PIAS2: variants seen among roughly 807,000 people sequenced by gnomAD.
The protein encoded by PIAS2 is E3 SUMO-protein ligase PIAS2.
In PIAS2, 19 loss-of-function variants were observed where a neutral mutation model predicts 69.7. The observed-to-expected ratio is 0.27, with a 90% CI of 0.19 to 0.40. The LOEUF is 0.40. PIAS2 is among the 10% of genes least tolerant of loss of function. The pLI is 1.00. For synonymous variants in PIAS2, 261 were observed against 263.2 expected (o/e 0.99, Z 0.08); for missense variants, 624 against 757.0 (o/e 0.82, Z 2.06).
chr18:46,869,694 T>C (rs891882579), intron 2 of PIAS2, among the ~76,000 whole-genome samples: 1 of 152,180 alleles, frequency 6.6e-6, no homozygotes, highest in African/African-American at 2.4e-5. Context: ...GGACTAAACA[T>C]AATAAAAAAC....
At chr18:46,886,116 C>T (rs2053141777) in intron 2 of PIAS2, among the ~76,000 whole-genome samples, 1 of 152,026 alleles carries the variant, frequency 6.6e-6, no homozygotes, top group Non-Finnish European at 1.5e-5. Flanking sequence ...TCACTTAGTC[C>T]CCCCCAGTCT....
intron 5 of PIAS2, chr18:46,852,754 G>A (rs889840164): frequency 6.6e-6 from 1 of 152,192 alleles, no homozygotes; most frequent in African/African-American, 2.4e-5. Context: ...GGAAATTCTG[G>A]TAACGTCTAT....
intron 2 of PIAS2, among the ~76,000 whole-genome samples, chr18:46,879,434 T>A (rs2051811893): frequency 1.3e-5 from 2 of 152,130 alleles, no homozygotes; most frequent in South Asian, 4.1e-4. Context: ...AGGGAGAAAC[T>A]GGAACCCCTG....
chr18:46,806,745 C>G lies in PIAS2; in HGVS notation c.*5688G>C, dbSNP rs1336844286. 6.6e-6 allele frequency: 1 copy of G among 152,120 alleles called. No individual in the cohort carries two copies. Among genetic ancestry groups the G allele is most frequent in the Non-Finnish European group, 1.5e-5 (1 of 68,028 alleles). The allele number at this position is 152,120 out of a possible 1,614,324, so 9.4% of individuals were successfully genotyped here. On this transcript the variant is annotated 3_prime_UTR_variant, in exon 14 of 14. Transcript: ENST00000585916. ...TAACACTCTATTCCACGTGTACTTA[C>G]AAAACACTCTAAACATTTATTAAAC...
intron 9 of PIAS2, among the ~76,000 whole-genome samples, chr18:46,831,404 T>C (rs1861923464): frequency 6.6e-6 from 1 of 152,130 alleles, no homozygotes; most frequent in African/African-American, 2.4e-5. Context: ...ATCAGAAGAC[T>C]CAATACTCTT....
rs72548219 is a variant in PIAS2, at chr18:46,847,368, GGTTAA to G, written c.727-532_727-528del. On this transcript the variant is annotated intron_variant, in intron 5 of 13. Coordinates refer to ENST00000585916, the MANE Select transcript of PIAS2 (RefSeq NM_004671.5). ...ACAGAAATGGTAATCTTTTAAACCAGGTTAAGTTAACAAATAAGGATAATCAACAT... is the reference window on the plus strand; with the variant it reads ...ACAGAAATGGTAATCTTTTAAACCAGGTTAACAAATAAGGATAATCAACAT... Among the ~76,000 whole-genome samples the G allele has an allele frequency of 3.4e-3, 524 of 152,150 alleles. 3 individuals are homozygous for G. Among genetic ancestry groups the G allele is most frequent in the African/African-American group, 0.012 (498 of 41,498 alleles).
intron 2 of PIAS2, among the ~76,000 whole-genome samples, chr18:46,865,805 C>A (rs2049358662): frequency 6.6e-6 from 1 of 152,042 alleles, no homozygotes; most frequent in Non-Finnish European, 1.5e-5. Flanking sequence ...AAGATGAAGG[C>A]CAAAAAGTAA....
intron 3 of PIAS2, among the ~76,000 whole-genome samples, chr18:46,859,488 T>C (rs925377500): frequency 3.5e-5 from 5 of 142,366 alleles, no homozygotes; most frequent in African/African-American, 1.3e-4. Flanking sequence ...CAGGATGTGG[T>C]AAATGAAGAG....
At chr18:46,900,286 C>T (rs546317029) in intron 1 of PIAS2, among the ~76,000 whole-genome samples, 4 of 151,806 alleles carry the variant, frequency 2.6e-5, no homozygotes, top group Non-Finnish European at 5.9e-5. Flanking sequence ...TCGCTTAAAC[C>T]CAGGAGGCAG....
intron 5 of PIAS2, among the ~76,000 whole-genome samples, chr18:46,849,424 A>G (rs373062651): frequency 6.6e-6 from 1 of 152,190 alleles, no homozygotes; most frequent in African/African-American, 2.4e-5. Flanking sequence ...GCCTTCACAC[A>G]TATTTCTAAC....
intron 5 of PIAS2, among the ~76,000 whole-genome samples, chr18:46,849,538 CG>C (rs1568503022): frequency 6.6e-6 from 1 of 152,048 alleles, no homozygotes; most frequent in Admixed American, 6.6e-5. Context: ...ACAGCACCAG[CG>C]GAACACTTTG....
chr18:46,809,993 A>T lies in PIAS2; in HGVS notation c.*2440T>A, dbSNP rs575869740. The T allele has an allele frequency of 2.4e-4, 36 of 152,326 alleles. No homozygotes were observed. Among genetic ancestry groups the T allele is most frequent in the Non-Finnish European group, 4.9e-4 (33 of 68,028 alleles). 9.4% of individuals were successfully genotyped at this position (152,326 alleles called of 1,614,324 possible). A position where few individuals can be genotyped will look rare whatever the true frequency, so the allele number is the denominator to read the frequency against. ...AAAGGCTGACGGATTAATAATCATG[A>T]TGTTGCCATAAGGCCAAAGTCATAA... On this transcript the variant is annotated 3_prime_UTR_variant, in exon 14 of 14. Coordinates refer to ENST00000585916, the MANE Select transcript of PIAS2 (RefSeq NM_004671.5).
At chr18:46,883,040 G>A (rs2052543506) in intron 2 of PIAS2, among the ~76,000 whole-genome samples, 1 of 151,578 alleles carries the variant, frequency 6.6e-6, no homozygotes, top group African/African-American at 2.4e-5. Flanking sequence ...AGAGGTTGCA[G>A]TGAGCCAAGA....
chr18:46,829,927 A>C, intron 9 of PIAS2, 60 bp from the exon 10 acceptor site: 1 of 1,455,886 alleles, frequency 6.9e-7, no homozygotes, highest in Non-Finnish European at 9.4e-7. Flanking sequence ...AGGTGAAATA[A>C]GAAAGTAATA....
Position 46,818,880 on chromosome 18 carries a change from A to C in PIAS2, c.1648+2053T>G, listed in dbSNP as rs114814936. Among the ~76,000 whole-genome samples the C allele has an allele frequency of 3.8e-3, 586 of 152,228 alleles. 2 individuals carry two copies. The highest frequency in any genetic ancestry group is 0.013 in the African/African-American group (556 of 41,564). On this transcript the variant is annotated intron_variant, in intron 12 of 13. Coordinates refer to ENST00000585916, the MANE Select transcript of PIAS2 (RefSeq NM_004671.5). ...ATATTAGTCTTGTTTGCTCAATATCAGCTTGAAACACATTTTTACCAAATA... is the reference window on the plus strand; with the variant it reads ...ATATTAGTCTTGTTTGCTCAATATCCGCTTGAAACACATTTTTACCAAATA...
intron 2 of PIAS2, among the ~76,000 whole-genome samples, chr18:46,886,281 A>T (rs2053169683): frequency 6.6e-6 from 1 of 152,238 alleles, no homozygotes; most frequent in Non-Finnish European, 1.5e-5. Context: ...AGAATAATAG[A>T]AAGTAATAAA....
intron 8 of PIAS2, among the ~76,000 whole-genome samples, chr18:46,842,901 T>A (rs2045631067): frequency 1.3e-5 from 2 of 152,232 alleles, no homozygotes; most frequent in South Asian, 4.1e-4. Flanking sequence ...AAAATTATAT[T>A]TCAATAAAGG....
In PIAS2 at chr18:46,808,422, A is replaced by C. The variant is rs117478468; in HGVS notation, c.*4011T>G. ...ATGGACATTGGGTACAGCTTTATTT[A>C]TTTCTTTTAGGAATTGCAGGTTCCT... On this transcript the variant is annotated 3_prime_UTR_variant, in exon 14 of 14. Coordinates refer to ENST00000585916, the MANE Select transcript of PIAS2 (RefSeq NM_004671.5). The C allele has an allele frequency of 3.9e-5, 6 of 152,318 alleles. No individual in the cohort carries two copies. In the South Asian group the frequency reaches 6.2e-4, roughly 16 times the overall value. 9.4% of individuals were successfully genotyped at this position (152,318 alleles called of 1,614,324 possible).
At position 46,854,900 on chromosome 18, in the gene PIAS2, C is replaced by A. The variant is rs552685085; in HGVS notation, c.726+445G>T. Among the ~76,000 whole-genome samples, 5 of 152,128 alleles carry A rather than the reference C, an allele frequency of 3.3e-5. No homozygotes were observed. In the East Asian group the frequency reaches 9.7e-4, roughly 29 times the overall value. On this transcript the variant is annotated intron_variant, in intron 5 of 13. Coordinates refer to ENST00000585916, the MANE Select transcript of PIAS2 (RefSeq NM_004671.5). ...GTCCTATACATGAAAGTGCCCAAGT[C>A]CTCCCCTTCAACTATGCTGTTTGAT...
Sources: allele counts gnomAD v4.1 joint callset (sites outside exome capture counted in the v4.1 genomes callset), GRCh38; gene constraint gnomAD v4.1.1; transcripts MANE v1.5; gene names NCBI Gene and HGNC (gene_info 2026-07-23, HGNC 2026-07-21).